Variants in COL21A1 observed in about 807,000 individuals in gnomAD.
COL21A1 encodes the protein collagen alpha-1(XXI) chain.
In COL21A1, 149 loss-of-function variants were observed where a neutral mutation model predicts 137.9. That is an observed-to-expected ratio of 1.08 (90% CI 0.95 to 1.24). COL21A1 has a LOEUF of 1.24. COL21A1 is among the 50% of genes most tolerant of loss of function. The pLI, the probability that COL21A1 is intolerant of heterozygous loss-of-function variation, is 0.00. For synonymous variants in COL21A1, 456 were observed against 391.5 expected, an observed-to-expected ratio of 1.16 and a Z score of -1.95; for missense variants, 1,167 against 1,158.4, an observed-to-expected ratio of 1.01 and a Z score of -0.11.
chr6:56,313,550 A>G (rs970827025), intron 1 of COL21A1, among the ~76,000 whole-genome samples: 58 of 152,100 alleles, frequency 3.8e-4, no homozygotes, highest in African/African-American at 1.3e-3. Context: ...AGATCTCTCT[A>G]TTGTCTCCCT....
At chr6:56,085,371 GTTC>G (rs1768141018) in intron 17 of COL21A1, among the ~76,000 whole-genome samples, 1 of 151,790 alleles carries the variant, frequency 6.6e-6, no homozygotes, top group African/African-American at 2.4e-5. Context: ...AAATAGATTT[GTTC>G]TTGTTATTTT....
intron 1 of COL21A1, among the ~76,000 whole-genome samples, chr6:56,320,549 CCCT>C (rs1220468214): frequency 1.3e-5 from 2 of 148,888 alleles, no homozygotes; most frequent in African/African-American, 5.0e-5. Context: ...ACACACACAC[CCCT>C]CCCACTCTCC....
intron 1 of COL21A1, among the ~76,000 whole-genome samples, chr6:56,268,329 C>T (rs1413472863): frequency 6.6e-6 from 1 of 152,164 alleles, no homozygotes; most frequent in Non-Finnish European, 1.5e-5. Context: ...GGTGCGGTTC[C>T]AGGGATCAGA....
chr6:56,304,110 G>C (rs1764372414), intron 1 of COL21A1, among the ~76,000 whole-genome samples: 1 of 152,192 alleles, frequency 6.6e-6, no homozygotes, highest in African/African-American at 2.4e-5. Context: ...TAAGCTTTTT[G>C]ACGTGCTGCT....
At position 56,182,583 on chromosome 6, in the gene COL21A1, CA is replaced by C; in HGVS notation, c.35del (p.Leu12TrpfsTer10). 1 of 1,605,434 alleles carries C rather than the reference CA, an allele frequency of 6.2e-7. No individual in the cohort carries two copies. Among genetic ancestry groups the C allele is most frequent in the Admixed American group, 1.7e-5 (1 of 58,990 alleles). The part of the protein sequence containing the change: ...AHYITFLCMV[L>X]VLLLQNSVLA... ...ACACAGAATTCTGAAGAAGCAGCACCAAAACCATGCAGAGAAATGTAATATA... is the reference window on the plus strand; with the variant it reads ...ACACAGAATTCTGAAGAAGCAGCACCAAACCATGCAGAGAAATGTAATATA... On this transcript the variant is annotated frameshift_variant, in exon 2 of 30. Transcript: ENST00000244728. LOFTEE classifies it high-confidence loss of function.
rs111635956 is a variant in COL21A1, at chr6:56,247,084, C to T, written c.-39+303G>A. 3.1e-3 allele frequency among the ~76,000 whole-genome samples: 466 copies of T among 152,296 alleles called. 1 individual carries two copies. The highest frequency in any genetic ancestry group is 0.014 in the Middle Eastern group (4 of 294). Reference sequence around the variant, plus strand: ...TAAAAGCTGAGGGTGGGGTTGAGCTCAGGGGAGTAAATCAACGCACGTTAT... The same window carrying T: ...TAAAAGCTGAGGGTGGGGTTGAGCTTAGGGGAGTAAATCAACGCACGTTAT... On this transcript the variant is annotated intron_variant, in intron 1 of 29. Coordinates refer to ENST00000244728, the MANE Select transcript of COL21A1 (RefSeq NM_030820.4).
At chr6:56,326,638 A>G (rs531096893) in intron 1 of COL21A1, among the ~76,000 whole-genome samples, 1 of 152,040 alleles carries the variant, frequency 6.6e-6, no homozygotes, top group Non-Finnish European at 1.5e-5. Flanking sequence ...TGACAATTTT[A>G]CAATCTTACC....
intron 17 of COL21A1, among the ~76,000 whole-genome samples, chr6:56,088,178 A>G (rs1342199363): frequency 2.6e-5 from 4 of 152,158 alleles, no homozygotes; most frequent in African/African-American, 7.2e-5. Flanking sequence ...AGCCTGGCCA[A>G]CATGGTGAAA....
At chr6:56,199,327 A>G (rs763966) in intron 1 of COL21A1, among the ~76,000 whole-genome samples, 10,339 of 152,106 alleles carry the variant, frequency 0.068, 415 homozygotes, top group South Asian at 0.12. Flanking sequence ...TGGTACATAA[A>G]TAATTCTTAA....
At chr6:56,288,868 T>A (rs553481300) in intron 1 of COL21A1, among the ~76,000 whole-genome samples, 12 of 152,202 alleles carry the variant, frequency 7.9e-5, no homozygotes, top group Non-Finnish European at 1.2e-4. Context: ...ATTTTAAAGT[T>A]CTGACCTGTA....
intron 1 of COL21A1, among the ~76,000 whole-genome samples, chr6:56,202,237 A>G (rs1175617725): frequency 6.6e-6 from 1 of 152,218 alleles, no homozygotes; most frequent in Admixed American, 6.5e-5. Flanking sequence ...TAAAGGCATC[A>G]TAGATGTGTC....
chr6:56,314,929 C>T (rs1359084894), intron 1 of COL21A1, among the ~76,000 whole-genome samples: 3 of 152,150 alleles, frequency 2.0e-5, no homozygotes, highest in African/African-American at 7.2e-5. Context: ...GGGATTTGAG[C>T]ACCTGTAGAC....
At chr6:56,109,279 G>C (rs1432171088) in intron 16 of COL21A1, among the ~76,000 whole-genome samples, 1 of 151,608 alleles carries the variant, frequency 6.6e-6, no homozygotes, top group Non-Finnish European at 1.5e-5. Flanking sequence ...TCCAACACAG[G>C]AGGGAAACCA....
chr6:56,065,102 G>A (rs1408383051), intron 23 of COL21A1, among the ~76,000 whole-genome samples: 1 of 151,928 alleles, frequency 6.6e-6, no homozygotes, highest in African/African-American at 2.4e-5. Context: ...CTTTAAAGCA[G>A]CATAAATAAC....
chr6:56,383,528 AG>A (rs1323746459), intron 1 of COL21A1, among the ~76,000 whole-genome samples: 1 of 152,204 alleles, frequency 6.6e-6, no homozygotes. Flanking sequence ...CTCCTAACCC[AG>A]GTAGGTACCT....
chr6:56,364,020 T>C (rs930345545), intron 1 of COL21A1, among the ~76,000 whole-genome samples: 4 of 152,162 alleles, frequency 2.6e-5, no homozygotes, highest in African/African-American at 9.7e-5. Flanking sequence ...AAGCGTTCAA[T>C]AGGTTGGAAA....
chr6:56,143,199 C>CTTTT (rs1201380404), intron 10 of COL21A1, among the ~76,000 whole-genome samples: 3 of 124,532 alleles, frequency 2.4e-5, no homozygotes, highest in Admixed American at 8.3e-5. Context: ...TACAATTTTT[C>CTTTT]TTTTTTTTTT....
At chr6:56,087,452 C>G (rs534568372) in intron 17 of COL21A1, among the ~76,000 whole-genome samples, 2 of 152,250 alleles carry the variant, frequency 1.3e-5, no homozygotes, top group Admixed American at 6.5e-5. Context: ...TCATGGGGTT[C>G]TGGGTGGCTG....
At position 56,366,825 on chromosome 6, in the gene COL21A1, T is replaced by C. The variant is rs369862558; in HGVS notation, c.-39+27146A>G. Among the ~76,000 whole-genome samples the C allele has an allele frequency of 5.7e-4, 87 of 152,320 alleles. 1 individual carries two copies. The highest frequency in any genetic ancestry group is 2.1e-3 in the African/African-American group (87 of 41,578). ...ACACTTTTAGCAACTATTGCAGCAA[T>C]AGTTTGTAAGATGGTTTCATTCCCA... On this transcript the variant is annotated intron_variant, in intron 1 of 28. Transcript: ENST00000370819.
Sources: allele counts gnomAD v4.1 joint callset (sites outside exome capture counted in the v4.1 genomes callset), GRCh38; gene constraint gnomAD v4.1.1; transcripts MANE v1.5; gene names NCBI Gene and HGNC (gene_info 2026-07-23, HGNC 2026-07-21).